The following KCTD16 variants were observed in gnomAD, a reference collection of about 807,000 sequenced individuals.
The protein encoded by KCTD16 is BTB/POZ domain-containing protein KCTD16.
A neutral mutation model predicts 33.2 loss-of-function variants in KCTD16; 13 were observed. The ratio of observed to expected loss-of-function variants is 0.39; its 90% confidence interval spans 0.25 to 0.62. KCTD16 has a LOEUF of 0.62. Among genes scored for constraint, KCTD16 ranks in the 20% least tolerant of loss-of-function variants. KCTD16 has a pLI of 0.50. For missense variants in KCTD16, 441 were observed against 525.1 expected (o/e 0.84, Z 1.57); for synonymous variants, 197 against 195.3 (o/e 1.01, Z -0.07).
At chr5:144,382,317 C>A (rs1752233964) in intron 3 of KCTD16, among the ~76,000 whole-genome samples, 1 of 152,074 alleles carries the variant, frequency 6.6e-6, no homozygotes, top group Non-Finnish European at 1.5e-5. Context: ...CATTTGTACA[C>A]AAAACCCCAG....
chr5:144,185,856 C>T (rs1448481293), intron 2 of KCTD16, among the ~76,000 whole-genome samples: 3 of 151,916 alleles, frequency 2.0e-5, no homozygotes, highest in Non-Finnish European at 4.4e-5. Context: ...AAATGCTGTC[C>T]TAAGTATTTT....
chr5:144,191,129 G>A (rs370500176), intron 2 of KCTD16, among the ~76,000 whole-genome samples: 11 of 152,204 alleles, frequency 7.2e-5, no homozygotes, highest in Admixed American at 3.9e-4. Context: ...TTGTAAAAAC[G>A]GAAATTCTTA....
chr5:144,366,668 A>G lies in KCTD16; in HGVS notation c.833-106992A>G, dbSNP rs74398749. 1.2e-3 allele frequency among the ~76,000 whole-genome samples: 176 copies of G among 152,248 alleles called. 2 individuals carry two copies. The East Asian group carries it at 0.026, about 22-fold the overall frequency. ...AAGCATAATCCCTGGGGTCTGCACT[A>G]TGTGTCCAGAAAAAAACAATACTGC... On this transcript the variant is annotated intron_variant, in intron 3 of 3. Coordinates refer to ENST00000512467, the MANE Select transcript of KCTD16 (RefSeq NM_020768.4).
intron 3 of KCTD16, among the ~76,000 whole-genome samples, chr5:144,266,530 C>A (rs1394477302): frequency 6.6e-6 from 1 of 152,198 alleles, no homozygotes; most frequent in Non-Finnish European, 1.5e-5. Context: ...TCAAGAACTG[C>A]ACAATTGACC....
At chr5:144,358,386 A>C (rs1420955183) in intron 3 of KCTD16, among the ~76,000 whole-genome samples, 2 of 152,162 alleles carry the variant, frequency 1.3e-5, no homozygotes, top group Non-Finnish European at 2.9e-5. Context: ...GTCATATTGA[A>C]ATTGAGGAAA....
intron 3 of KCTD16, among the ~76,000 whole-genome samples, chr5:144,460,148 A>G (rs896295146): frequency 2.0e-5 from 3 of 151,916 alleles, no homozygotes; most frequent in African/African-American, 7.3e-5. Flanking sequence ...CTTATCTTCT[A>G]TCACTCCTTT....
At chr5:144,212,050 T>G (rs139636990) in intron 3 of KCTD16, among the ~76,000 whole-genome samples, 44 of 152,286 alleles carry the variant, frequency 2.9e-4, no homozygotes, top group African/African-American at 1.1e-3. Flanking sequence ...TCAGGCATCC[T>G]TTTACCTTGA....
At chr5:144,429,500 G>T in intron 3 of KCTD16, among the ~76,000 whole-genome samples, 1 of 152,006 alleles carries the variant, frequency 6.6e-6, no homozygotes, top group South Asian at 2.1e-4. Flanking sequence ...TCAATTTAAG[G>T]TATCTTGGGA....
intron 3 of KCTD16, among the ~76,000 whole-genome samples, chr5:144,208,749 A>G (rs1307269555): frequency 1.3e-5 from 2 of 152,234 alleles, no homozygotes; most frequent in Non-Finnish European, 1.5e-5. Context: ...GTCATTCTCT[A>G]CTAAGCTATC....
At chr5:144,394,138 T>C (rs1304321724) in intron 3 of KCTD16, among the ~76,000 whole-genome samples, 1 of 152,156 alleles carries the variant, frequency 6.6e-6, no homozygotes, top group Admixed American at 6.5e-5. Flanking sequence ...CTATCTGTCA[T>C]TTCACATTGG....
intron 3 of KCTD16, among the ~76,000 whole-genome samples, chr5:144,243,839 G>A (rs1181997546): frequency 6.6e-6 from 1 of 152,096 alleles, no homozygotes. Flanking sequence ...CGCCTCCTGG[G>A]TTCAAGTGAT....
intron 3 of KCTD16, among the ~76,000 whole-genome samples, chr5:144,244,179 C>T (rs1246822926): frequency 6.6e-6 from 1 of 152,140 alleles, no homozygotes; most frequent in Non-Finnish European, 1.5e-5. Flanking sequence ...TCAAGACCCT[C>T]AAAATCTCTT....
chr5:144,440,703 G>C (rs1301136886), intron 3 of KCTD16, among the ~76,000 whole-genome samples: 1 of 151,494 alleles, frequency 6.6e-6, no homozygotes, highest in Admixed American at 6.6e-5. Flanking sequence ...GTTTTGATTT[G>C]CATTTCTCTA....
intron 3 of KCTD16, among the ~76,000 whole-genome samples, chr5:144,261,319 T>G (rs1755006049): frequency 6.6e-6 from 1 of 152,122 alleles, no homozygotes; most frequent in African/African-American, 2.4e-5. Context: ...TCTTATAAAT[T>G]TATTTAAAAC....
intron 3 of KCTD16, among the ~76,000 whole-genome samples, chr5:144,301,586 A>G (rs1481792195): frequency 6.6e-6 from 1 of 152,214 alleles, no homozygotes; most frequent in Non-Finnish European, 1.5e-5. Context: ...TCTTGCCTTA[A>G]GAATGGATTA....
At chr5:144,404,119 A>T (rs1580935803) in intron 3 of KCTD16, among the ~76,000 whole-genome samples, 1 of 152,286 alleles carries the variant, frequency 6.6e-6, no homozygotes, top group South Asian at 2.1e-4. Context: ...AGAATGTCTC[A>T]TGCTCTACTC....
At chr5:144,428,852 G>A (rs1220789204) in intron 3 of KCTD16, among the ~76,000 whole-genome samples, 1 of 152,178 alleles carries the variant, frequency 6.6e-6, no homozygotes, top group Non-Finnish European at 1.5e-5. Flanking sequence ...AGGGGCAGAT[G>A]CTGTTCCTTA....
intron 3 of KCTD16, among the ~76,000 whole-genome samples, chr5:144,281,301 A>G (rs1389924869): frequency 6.6e-6 from 1 of 152,132 alleles, no homozygotes; most frequent in Admixed American, 6.5e-5. Context: ...AGATTTGAGA[A>G]TGTGTTTTGG....
At chr5:144,225,097 A>G (rs1409032809) in intron 3 of KCTD16, among the ~76,000 whole-genome samples, 1 of 152,172 alleles carries the variant, frequency 6.6e-6, no homozygotes, top group Non-Finnish European at 1.5e-5. Context: ...GAAATACCAG[A>G]TGGCAATGCT....
Sources: allele counts gnomAD v4.1 joint callset (sites outside exome capture counted in the v4.1 genomes callset), GRCh38; gene constraint gnomAD v4.1.1; transcripts MANE v1.5; gene names NCBI Gene and HGNC (gene_info 2026-07-23, HGNC 2026-07-21).